Variants in EPHX1 observed in about 807,000 individuals in gnomAD.
EPHX1 encodes the protein epoxide hydratase.
In EPHX1, 40 loss-of-function variants were observed where a neutral mutation model predicts 43.2. The ratio of observed to expected loss-of-function variants is 0.93; its 90% CI spans 0.72 to 1.21. EPHX1 has a LOEUF of 1.21. EPHX1 is among the 50% of genes most tolerant of loss of function. The pLI is 0.00. For synonymous variants in EPHX1, 221 were observed against 226.7 expected, an observed-to-expected ratio of 0.98 and a Z score of 0.22; for missense variants, 550 against 570.4, an observed-to-expected ratio of 0.96 and a Z score of 0.36.
intron 1 of EPHX1, among the ~76,000 whole-genome samples, chr1:225,823,498 C>G (rs571155415): frequency 1.8e-3 from 279 of 152,346 alleles, no homozygotes; most frequent in African/African-American, 6.3e-3. Context: ...GACTCAGTCA[C>G]TCGGCCCCCT....
At chr1:225,829,716 G>T (rs551617256) in intron 2 of EPHX1, among the ~76,000 whole-genome samples, 6 of 152,210 alleles carry the variant, frequency 3.9e-5, no homozygotes, top group African/African-American at 9.6e-5. Flanking sequence ...AGCCCCTTCC[G>T]TCCAACAGCA....
chr1:225,812,689 C>T lies in EPHX1; in HGVS notation c.-6+2520C>T, dbSNP rs193014857. Among the ~76,000 whole-genome samples, 172 of 152,328 alleles carry T rather than the reference C, an allele frequency of 1.1e-3. 1 individual carries two copies. Among genetic ancestry groups the T allele is most frequent in the Non-Finnish European group, 1.4e-3 (92 of 68,028 alleles). ...TGTGAAAGCAGGGGCTACCGAGATT[C>T]ATTTCTCAGTTCTTACGCCAAGAGG... On this transcript the variant is annotated intron_variant, in intron 1 of 8. Coordinates refer to ENST00000272167, the MANE Select transcript of EPHX1 (RefSeq NM_001136018.4).
At chr1:225,841,021 CCT>C in intron 6 of EPHX1, 1 of 152,302 alleles carries the variant, frequency 6.6e-6, no homozygotes, top group South Asian at 2.1e-4. Flanking sequence ...CCCCACATCC[CCT>C]CTCCTTCAAA....
At chr1:225,821,540 C>T (rs555606235) in intron 1 of EPHX1, among the ~76,000 whole-genome samples, 1 of 150,108 alleles carries the variant, frequency 6.7e-6, no homozygotes, top group South Asian at 2.1e-4. Flanking sequence ...GCCACCATAC[C>T]CAGCCTGTTT....
intron 7 of EPHX1, among the ~76,000 whole-genome samples, chr1:225,844,065 A>G (rs1483503255): frequency 6.6e-6 from 1 of 152,104 alleles, no homozygotes; most frequent in African/African-American, 2.4e-5. Context: ...AATAAGTAAA[A>G]TGGAGATAAT....
intron 3 of EPHX1, among the ~76,000 whole-genome samples, chr1:225,834,114 A>G (rs1229869508): frequency 6.1e-5 from 4 of 65,758 alleles, no homozygotes; most frequent in Non-Finnish European, 1.3e-4. Flanking sequence ...AAAAAAAAGA[A>G]AAAAAAAAAA....
chr1:225,838,339 T>G (rs974807545), intron 3 of EPHX1, among the ~76,000 whole-genome samples: 25 of 152,274 alleles, frequency 1.6e-4, no homozygotes, highest in African/African-American at 5.8e-4. Flanking sequence ...CCAGGAGCTG[T>G]CCTGAGCCCT....
At chr1:225,843,133 C>T (rs112061919) in intron 7 of EPHX1, among the ~76,000 whole-genome samples, 9 of 152,250 alleles carry the variant, frequency 5.9e-5, no homozygotes, top group Non-Finnish European at 8.8e-5. Flanking sequence ...AGAACAATGC[C>T]GGGTGAACAG....
chr1:225,816,455 G>A (rs1666729244), intron 1 of EPHX1, among the ~76,000 whole-genome samples: 1 of 152,116 alleles, frequency 6.6e-6, no homozygotes, highest in African/African-American at 2.4e-5. Context: ...TAGAACCAAT[G>A]GAAGCAACTC....
In EPHX1 at chr1:225,839,837, A is replaced by G. The variant is rs141680636; in HGVS notation, c.731A>G (p.Lys244Arg). Residue 244 changes from lysine to arginine, a missense_variant, in exon 6 of 9, where the codon AAA becomes AGA. Physicochemically the swap from Lys to Arg is conservative, Grantham distance 26. Transcript: ENST00000272167. The part of the protein sequence containing the change: ...NMAQLVPSHV[K>R]GLHLNMALVL... ...CCTCTCTCTGCCTTCAGCCACGTGA[A>G]AGGCCTGCACTTGAACATGGCTTTG... 5.6e-6 allele frequency: 9 copies of G among 1,613,874 alleles called. No homozygotes were observed. The highest frequency in any genetic ancestry group is 5.9e-6 in the Non-Finnish European group (7 of 1,179,962).
intron 8 of EPHX1, 51 bp from the exon 9 acceptor site, chr1:225,845,095 G>GAGGGGCGCAGGGCCACAGCCTCACCCCT (rs1668833610): frequency 6.3e-7 from 1 of 1,598,460 alleles, no homozygotes; most frequent in African/African-American, 1.3e-5. Flanking sequence ...GTGCAGGACG[G>GAGGGGCGCAGGGCCACAGCCTCACCCCT]AGGGGCGCAG....
At chr1:225,839,450 G>T (rs1040098780) in intron 5 of EPHX1, 104 bp downstream of exon 5, 3 of 1,550,628 alleles carry the variant, frequency 1.9e-6, no homozygotes, top group African/African-American at 2.7e-5. Flanking sequence ...GACCCCCCAG[G>T]GGAGAGGAGG....
At chr1:225,812,502 G>A (rs574077837) in intron 1 of EPHX1, among the ~76,000 whole-genome samples, 1 of 152,310 alleles carries the variant, frequency 6.6e-6, no homozygotes, top group Non-Finnish European at 1.5e-5. Flanking sequence ...CTCTCCTGGG[G>A]TGTCCTGGTT....
intron 1 of EPHX1, among the ~76,000 whole-genome samples, chr1:225,820,225 A>T (rs1170421615): frequency 1.3e-5 from 2 of 151,974 alleles, no homozygotes; most frequent in African/African-American, 4.8e-5. Context: ...CAGCCTCCTG[A>T]GTAGCTGGGA....
intron 3 of EPHX1, among the ~76,000 whole-genome samples, chr1:225,833,730 G>A (rs573777615): frequency 2.0e-5 from 3 of 150,164 alleles, no homozygotes; most frequent in South Asian, 4.2e-4. Context: ...AGGAGATGGA[G>A]CTTGTGGTGA....
intron 1 of EPHX1, among the ~76,000 whole-genome samples, chr1:225,813,499 G>A (rs574902578): frequency 6.6e-6 from 1 of 152,238 alleles, no homozygotes; most frequent in African/African-American, 2.4e-5. Context: ...GCTGGTGGGC[G>A]CTCCAGGAAG....
chr1:225,839,288 A>G lies in EPHX1; in HGVS notation c.664A>G (p.Ile222Val). ...MLRLGFQEFY[I>V]QGGDWGSLIC... is the part of the protein sequence containing the mutation. Reference sequence around the variant, plus strand: ...GCGGCTGGGCTTCCAGGAATTCTACATTCAAGGAGGGGACTGGGGGTCCCT... The same window carrying G: ...GCGGCTGGGCTTCCAGGAATTCTACGTTCAAGGAGGGGACTGGGGGTCCCT... The change falls in exon 5 of 9, where the codon ATT (isoleucine) becomes GTT (valine). Residue 222 changes from isoleucine (I) to valine (V), a missense_variant. Coordinates refer to ENST00000272167, the MANE Select transcript of EPHX1 (RefSeq NM_001136018.4). 1 of 1,613,928 alleles carries G rather than the reference A, an allele frequency of 6.2e-7. No individual in the cohort carries two copies. The highest frequency in any genetic ancestry group is 2.2e-5 in the East Asian group (1 of 44,864).
chr1:225,839,366 G>GT lies in EPHX1; in HGVS notation c.722+20_722+21insT, dbSNP rs1553485988. ...GCCCAGGTGAGGTCACTGTTGGGGTGGTGTGTGTGTGTGTGTGTGTGTGTG... is the reference window on the plus strand; with the variant it reads ...GCCCAGGTGAGGTCACTGTTGGGGTGTGTGTGTGTGTGTGTGTGTGTGTGTG... On this transcript the variant is annotated intron_variant, in intron 5 of 8. Transcript: ENST00000272167. 1.1e-5 allele frequency: 17 copies of GT among 1,560,726 alleles called. No individual in the cohort carries two copies. In the African/African-American group the frequency reaches 2.0e-4, roughly 18 times the overall value.
intron 1 of EPHX1, among the ~76,000 whole-genome samples, chr1:225,822,900 C>A (rs1389896939): frequency 1.3e-5 from 2 of 152,160 alleles, no homozygotes; most frequent in African/African-American, 4.8e-5. Context: ...TCACGTCCAG[C>A]CTGTTTATGT....
Sources: gnomAD v4.1 joint callset for allele counts (sites outside exome capture counted in the v4.1 genomes callset) on GRCh38, gnomAD v4.1.1 for gene constraint, MANE v1.5 for transcripts, NCBI Gene and HGNC (gene_info 2026-07-23, HGNC 2026-07-21) for gene names.